The following PAX3 variants were observed in gnomAD, a reference collection of about 807,000 sequenced individuals.
PAX3 encodes paired box protein Pax-3.
Under a neutral mutation model 51.6 loss-of-function variants are expected in PAX3, and 14 were observed. The observed-to-expected ratio is 0.27, with a 90% CI of 0.18 to 0.42. The LOEUF (loss-of-function observed/expected upper bound fraction) is 0.42. Among genes scored for constraint, PAX3 ranks in the 10% least tolerant of loss-of-function variants. The pLI is 1.00. For synonymous variants in PAX3, 280 were observed against 253.4 expected (o/e 1.11, Z -1.00); for missense variants, 540 against 642.8 (o/e 0.84, Z 1.73).
At chr2:222,281,100 C>G (rs1694631121) in intron 4 of PAX3, among the ~76,000 whole-genome samples, 2 of 152,230 alleles carry the variant, frequency 1.3e-5, no homozygotes, top group African/African-American at 4.8e-5. Context: ...CCAAGCACAT[C>G]TACCACCTGG....
intron 4 of PAX3, chr2:222,293,880 C>A: frequency 6.2e-7 from 1 of 1,605,450 alleles, no homozygotes; most frequent in Non-Finnish European, 8.5e-7. Context: ...GCTTCCCCTG[C>A]CCCCTACAAC....
chr2:222,298,674 T>C lies in PAX3; in HGVS notation c.-59A>G. ...GGTGAAGGCGAAACGGAAAGGCGAG[T>C]GCGGCGCGGATGACCCTCGGGAACT... On this transcript the variant is annotated 5_prime_UTR_variant, in exon 1 of 9. Transcript: ENST00000392070. 1 of 1,488,544 alleles carries C rather than the reference T, an allele frequency of 6.7e-7. No individual in the cohort carries two copies. Among genetic ancestry groups the C allele is most frequent in the Non-Finnish European group, 9.2e-7 (1 of 1,089,160 alleles). The allele number at this position is 1,488,544 out of a possible 1,614,324, so 92.2% of individuals were successfully genotyped here.
At chr2:222,219,668 G>C (rs567519500) in intron 7 of PAX3, among the ~76,000 whole-genome samples, 3 of 152,256 alleles carry the variant, frequency 2.0e-5, no homozygotes, top group African/African-American at 7.2e-5. Context: ...GGACTTGTTT[G>C]CTTCCTCTCT....
chr2:222,258,656 T>C (rs1362945747), intron 4 of PAX3, among the ~76,000 whole-genome samples: 2 of 152,220 alleles, frequency 1.3e-5, no homozygotes, highest in Non-Finnish European at 2.9e-5. Flanking sequence ...CATGCATCTA[T>C]ATGCTTCTCC....
At chr2:222,294,808 C>CTT (rs11347336) in intron 3 of PAX3, among the ~76,000 whole-genome samples, 11,211 of 111,050 alleles carry the variant, frequency 0.1, 637 homozygotes, top group East Asian at 0.23. Context: ...CCTTTCTTCC[C>CTT]TTTTTTTTTT....
intron 4 of PAX3, among the ~76,000 whole-genome samples, chr2:222,239,852 G>C (rs1227951512): frequency 1.3e-5 from 2 of 151,786 alleles, no homozygotes; most frequent in Non-Finnish European, 2.9e-5. Flanking sequence ...TTTTTGGGAA[G>C]GATATGCTGA....
intron 4 of PAX3, among the ~76,000 whole-genome samples, chr2:222,252,186 G>C (rs1025422411): frequency 1.1e-4 from 16 of 152,266 alleles, no homozygotes; most frequent in African/African-American, 3.6e-4. Flanking sequence ...TTCTATGGCC[G>C]CATGCTACAA....
intron 4 of PAX3, among the ~76,000 whole-genome samples, chr2:222,261,614 A>T (rs1371430630): frequency 1.3e-5 from 2 of 151,696 alleles, no homozygotes; most frequent in African/African-American, 4.8e-5. Context: ...AAAAAAAAAA[A>T]AGAAAAAGAA....
chr2:222,230,236 C>A (rs1398983592), intron 5 of PAX3, among the ~76,000 whole-genome samples: 1 of 152,060 alleles, frequency 6.6e-6, no homozygotes, highest in African/African-American at 2.4e-5. Context: ...TTCAAGATCT[C>A]ATCCCTTGAG....
chr2:222,239,216 G>T (rs1692912695), intron 4 of PAX3, among the ~76,000 whole-genome samples: 1 of 152,174 alleles, frequency 6.6e-6, no homozygotes, highest in Non-Finnish European at 1.5e-5. Context: ...CGCTCCATCT[G>T]TGGAATCCAT....
intron 4 of PAX3, among the ~76,000 whole-genome samples, chr2:222,278,191 A>G (rs1400295369): frequency 1.1e-4 from 17 of 152,114 alleles, no homozygotes; most frequent in Admixed American, 1.1e-3. Flanking sequence ...TACATGCTCC[A>G]AAGTGATTTG....
At chr2:222,234,756 A>C (rs1692737630) in intron 4 of PAX3, among the ~76,000 whole-genome samples, 1 of 152,238 alleles carries the variant, frequency 6.6e-6, no homozygotes. Context: ...TCAACTCTGT[A>C]AAATACATCT....
intron 5 of PAX3, among the ~76,000 whole-genome samples, chr2:222,222,257 G>T (rs6741337): frequency 0.11 from 16,773 of 152,070 alleles, 1,846 homozygotes; most frequent in East Asian, 0.62. Context: ...CATGGGTCCT[G>T]TGCTCCTGCC....
chr2:222,279,519 G>T (rs1694561188), intron 4 of PAX3, among the ~76,000 whole-genome samples: 1 of 152,204 alleles, frequency 6.6e-6, no homozygotes, highest in Non-Finnish European at 1.5e-5. Context: ...TTAGGTGGTA[G>T]GAGAATTTTC....
At chr2:222,285,902 GAAAA>G (rs1694816248) in intron 4 of PAX3, among the ~76,000 whole-genome samples, 1 of 152,160 alleles carries the variant, frequency 6.6e-6, no homozygotes, top group East Asian at 1.9e-4. Flanking sequence ...GGTCAACCAA[GAAAA>G]GTCTCCCATC....
intron 7 of PAX3, among the ~76,000 whole-genome samples, chr2:222,207,271 T>C (rs1286763445): frequency 1.3e-5 from 2 of 152,190 alleles, no homozygotes; most frequent in Non-Finnish European, 2.9e-5. Flanking sequence ...TGTCCTCAGA[T>C]TCAAATGCCT....
Position 222,220,211 on chromosome 2 carries a change from C to T in PAX3, c.1102G>A (p.Asp368Asn), listed in dbSNP as rs1243076475. 3 of 1,613,788 alleles carry T rather than the reference C, an allele frequency of 1.9e-6. No individual in the cohort carries two copies. The highest frequency in any genetic ancestry group is 2.2e-5 in the South Asian group (2 of 91,072). Residue 368 changes from aspartate (D) to asparagine (N), a missense_variant, in exon 7 of 9, where the codon GAC becomes AAC. Physicochemically the swap from Asp to Asn is conservative, Grantham distance 23 (BLOSUM62 1). Coordinates refer to ENST00000392070, the MANE Select transcript of PAX3 (RefSeq NM_181458.4). ...GGCCCCGACGGAGGCACAAAGCTGT[C>T]TGTATAGCTGGAAAATCCATGCCTG... ...STRHGFSSYTDSFVPPSGPSN... is the reference protein window; with the variant it reads ...STRHGFSSYTNSFVPPSGPSN...
At chr2:222,257,868 C>G (rs1039863140) in intron 4 of PAX3, among the ~76,000 whole-genome samples, 1 of 152,164 alleles carries the variant, frequency 6.6e-6, no homozygotes, top group Admixed American at 6.5e-5. Flanking sequence ...TGCATCGTCC[C>G]GGCTCAGGGA....
rs1695407690 is a variant in PAX3, at chr2:222,298,191, A to G, written c.85+340T>C. 10 of 363,222 alleles carry G rather than the reference A, an allele frequency of 2.8e-5. No homozygotes were observed. In the South Asian group the frequency reaches 4.5e-4, roughly 16 times the overall value. The allele number at this position is 363,222 out of a possible 1,614,324, so 22.5% of individuals were successfully genotyped here. A position where few individuals can be genotyped will look rare whatever the true frequency, so the allele number is the denominator to read the frequency against. ...ACAATTTCGAGACAACTTCGAGACA[A>G]TTTCGAATGGACAAATTGCGGAGAA... On this transcript the variant is annotated intron_variant, in intron 1 of 8. Transcript: ENST00000392070.
Sources: allele counts gnomAD v4.1 joint callset (sites outside exome capture counted in the v4.1 genomes callset), GRCh38; gene constraint gnomAD v4.1.1; transcripts MANE v1.5; gene names NCBI Gene and HGNC (gene_info 2026-07-23, HGNC 2026-07-21).